Variants in MMD2 observed in about 807,000 individuals in gnomAD.
The protein encoded by MMD2 is monocyte to macrophage differentiation associated 2.
A neutral mutation model predicts 33.5 loss-of-function variants in MMD2; 30 were observed. That is an observed-to-expected ratio of 0.90 (90% CI 0.67 to 1.22). MMD2 has a LOEUF of 1.22. Among genes scored for constraint, MMD2 ranks in the 50% most tolerant of loss-of-function variants. MMD2 has a pLI of 0.00. For missense variants in MMD2, 364 were observed against 325.4 expected (o/e 1.12, Z -0.91); for synonymous variants, 129 against 123.0 (o/e 1.05, Z -0.32).
chr7:4,900,452 A>G, the MMD2 span, among the ~76,000 whole-genome samples: 1 of 152,056 alleles, frequency 6.6e-6, no homozygotes, highest in East Asian at 1.9e-4. Context: ...TAGCTCTCCA[A>G]AAACAGGAAG....
Position 4,919,725 on chromosome 7 carries a change from AC to A in MMD2, c.290+445del, listed in dbSNP as rs1479472777. On this transcript the variant is annotated intron_variant, in intron 3 of 6. Coordinates refer to ENST00000401401, the MANE Select transcript of MMD2 (RefSeq NM_198403.4). ...ACATGGCGAAACCCCATCTCTACCC[AC>A]CCCCCAAAAAAATACAAAAATTAGC... Among the ~76,000 whole-genome samples the A allele has an allele frequency of 6.0e-5, 9 of 151,250 alleles. No homozygotes were observed. The East Asian group carries it at 1.8e-3, about 29-fold the overall frequency.
chr7:4,897,762 C>G, the MMD2 span, among the ~76,000 whole-genome samples: 2 of 151,614 alleles, frequency 1.3e-5, no homozygotes, highest in African/African-American at 4.8e-5. Context: ...TTTTTTGAGA[C>G]AGTCTCACTC....
At chr7:4,902,089 T>A (rs1356573251), downstream of MMD2, among the ~76,000 whole-genome samples, 1 of 152,180 alleles carries the variant, frequency 6.6e-6, no homozygotes, top group Non-Finnish European at 1.5e-5. Context: ...TAGCTGGGAT[T>A]ACAGGCGTGT....
At chr7:4,924,632 C>T (rs1274506285) in intron 2 of MMD2, among the ~76,000 whole-genome samples, 2 of 152,192 alleles carry the variant, frequency 1.3e-5, no homozygotes, top group Non-Finnish European at 2.9e-5. Flanking sequence ...TGGCTCAGAG[C>T]TTCCCAGCAT....
At chr7:4,920,040 G>A (rs905114832) in intron 3 of MMD2, 131 bp downstream of exon 3, 4 of 1,119,572 alleles carry the variant, frequency 3.6e-6, no homozygotes, top group Non-Finnish European at 5.0e-6. Flanking sequence ...AAGTCGCCCA[G>A]CCCAGCCCCT....
intron 1 of MMD2, among the ~76,000 whole-genome samples, chr7:4,933,255 G>C (rs1785642040): frequency 6.6e-6 from 1 of 152,090 alleles, no homozygotes; most frequent in Non-Finnish European, 1.5e-5. Flanking sequence ...CCAGCTGCTT[G>C]GGAGGCCGAG....
intron 6 of MMD2, 76 bp from the exon 7 acceptor site, chr7:4,907,675 C>G: frequency 2.7e-6 from 4 of 1,470,394 alleles, no homozygotes; most frequent in Non-Finnish European, 3.8e-6. Context: ...CAGTCCCCAC[C>G]ACCCAAAACC....
the MMD2 span, among the ~76,000 whole-genome samples, chr7:4,899,534 T>C: frequency 6.6e-6 from 1 of 152,000 alleles, no homozygotes; most frequent in Non-Finnish European, 1.5e-5. Context: ...ATTACAGGCA[T>C]AAGCCACTGT....
At chr7:4,953,102 T>G (rs143048654) in intron 1 of MMD2, among the ~76,000 whole-genome samples, 9 of 152,090 alleles carry the variant, frequency 5.9e-5, no homozygotes, top group Non-Finnish European at 1.3e-4. Context: ...ACAGGCATGA[T>G]ACACCATGCC....
At chr7:4,900,956 A>G in the MMD2 span, among the ~76,000 whole-genome samples, 1 of 148,668 alleles carries the variant, frequency 6.7e-6, no homozygotes, top group African/African-American at 2.5e-5. Context: ...CCTGACCAAC[A>G]TAGTGAAACC....
Position 4,920,350 on chromosome 7 carries a change from C to A in MMD2, c.130-19G>T. On this transcript the variant is annotated intron_variant, in intron 2 of 6. Transcript: ENST00000401401. Reference sequence around the variant, plus strand: ...TCCAGAACTGGAGGGGCAGGGACGGCAGGGACAGGTGCAGCAGCTGGGTGG... The same window carrying A: ...TCCAGAACTGGAGGGGCAGGGACGGAAGGGACAGGTGCAGCAGCTGGGTGG... The A allele has an allele frequency of 6.2e-7, 1 of 1,600,600 alleles. No homozygotes were observed. The highest frequency in any genetic ancestry group is 8.5e-7 in the Non-Finnish European group (1 of 1,174,234).
Position 4,911,127 on chromosome 7 carries a change from C to T in MMD2, c.467+18G>A. 6.4e-7 allele frequency: 1 copy of T among 1,557,268 alleles called. No individual in the cohort carries two copies. On this transcript the variant is annotated intron_variant, in intron 5 of 6. Coordinates refer to ENST00000401401, the MANE Select transcript of MMD2 (RefSeq NM_198403.4). ...CTAAGGGAATCCCGCCTCCCTGAAG[C>T]CCCCAGGCCTGGCTTACCGCTCATG...
chr7:4,909,249 A>T (rs964706728), intron 6 of MMD2, among the ~76,000 whole-genome samples: 2 of 151,646 alleles, frequency 1.3e-5, no homozygotes, highest in Non-Finnish European at 2.9e-5. Flanking sequence ...AGCACTTTGG[A>T]AGGCCAAGGT....
intron 3 of MMD2, among the ~76,000 whole-genome samples, chr7:4,917,930 T>G (rs1026573085): frequency 2.6e-5 from 4 of 152,004 alleles, no homozygotes; most frequent in Admixed American, 6.6e-5. Context: ...GAAATGATGG[T>G]GTGTGGTTCC....
Position 4,946,083 on chromosome 7 carries a change from A to G in MMD2, c.47+12888T>C, listed in dbSNP as rs1786069956. 6.6e-6 allele frequency among the ~76,000 whole-genome samples: 1 copy of G among 151,724 alleles called. No individual in the cohort carries two copies. Among genetic ancestry groups the G allele is most frequent in the African/African-American group, 2.4e-5 (1 of 41,276 alleles). On this transcript the variant is annotated intron_variant, in intron 1 of 6. Coordinates refer to ENST00000401401, the MANE Select transcript of MMD2 (RefSeq NM_198403.4). The surrounding 1 kb of genome is among the most constrained non-coding windows in gnomAD (Gnocchi z 5.0). ...AATGCACACACTCACACGCACGCAC[A>G]CGCACGCACACACACGCATGCACAC...
chr7:4,908,971 G>T (rs1278439463), intron 6 of MMD2, among the ~76,000 whole-genome samples: 1 of 151,964 alleles, frequency 6.6e-6, no homozygotes, highest in African/African-American at 2.4e-5. Flanking sequence ...GAGATGGATG[G>T]TGGTGATGGA....
the MMD2 span, among the ~76,000 whole-genome samples, chr7:4,893,095 G>C: frequency 1.3e-5 from 2 of 152,132 alleles, no homozygotes; most frequent in Non-Finnish European, 2.9e-5. Flanking sequence ...AGGAGTGGAT[G>C]TACCTCTATC....
chr7:4,948,211 G>A (rs555972381), intron 1 of MMD2, among the ~76,000 whole-genome samples: 1 of 152,136 alleles, frequency 6.6e-6, no homozygotes. Context: ...GCTATGAACT[G>A]CATGTTGGCA....
intron 1 of MMD2, among the ~76,000 whole-genome samples, chr7:4,935,135 G>A (rs535830776): frequency 2.0e-5 from 3 of 152,138 alleles, no homozygotes; most frequent in East Asian, 1.9e-4. Context: ...GCACGGAGCC[G>A]AGATCGCGCT....
Sources: gnomAD v4.1 joint callset for allele counts (sites outside exome capture counted in the v4.1 genomes callset) on GRCh38, gnomAD v4.1.1 for gene constraint, Gnocchi (gnomAD v3.1) non-coding constraint, MANE v1.5 for transcripts, NCBI Gene and HGNC (gene_info 2026-07-23, HGNC 2026-07-21) for gene names.